Variants in FBXL17 observed in about 807,000 individuals in gnomAD.
FBXL17 encodes the protein F-box and leucine rich repeat protein 17, also known as F-box/LRR-repeat protein 17.
In FBXL17, 22 loss-of-function variants were observed where a neutral mutation model predicts 66.2. The observed-to-expected ratio is 0.33, with a 90% CI of 0.24 to 0.47. The LOEUF (loss-of-function observed/expected upper bound fraction) is 0.47. FBXL17 is among the 20% of genes least tolerant of loss of function. FBXL17 has a pLI of 1.00. For missense variants in FBXL17, 878 were observed against 948.2 expected (o/e 0.93, Z 0.97); for synonymous variants, 474 against 400.5 (o/e 1.18, Z -2.19).
intron 4 of FBXL17, among the ~76,000 whole-genome samples, chr5:108,330,839 G>C (rs542277821): frequency 3.3e-5 from 5 of 152,086 alleles, no homozygotes; most frequent in African/African-American, 1.2e-4. Flanking sequence ...TAAAGATTGA[G>C]ACTGGTACAA....
At chr5:108,358,573 T>A (rs1282328523) in intron 3 of FBXL17, among the ~76,000 whole-genome samples, 2 of 152,136 alleles carry the variant, frequency 1.3e-5, no homozygotes, top group African/African-American at 4.8e-5. Context: ...AATCTGGTGC[T>A]GAATTCAGTT....
Position 108,286,425 on chromosome 5 carries a change from CA to C in FBXL17, c.1506+61973del, listed in dbSNP as rs1446146689. Among the ~76,000 whole-genome samples, 4 of 151,952 alleles carry C rather than the reference CA, an allele frequency of 2.6e-5. No homozygotes were observed. The East Asian group carries it at 5.8e-4, about 22-fold the overall frequency. ...TCTGCCCAAAAGCTCCTTGAACTGACAAACAACTTGAGCAAAGTTTCAGGAC... is the reference window on the plus strand; with the variant it reads ...TCTGCCCAAAAGCTCCTTGAACTGACAACAACTTGAGCAAAGTTTCAGGAC... On this transcript the variant is annotated intron_variant, in intron 4 of 8. Coordinates refer to ENST00000542267, the MANE Select transcript of FBXL17 (RefSeq NM_001163315.3).
At chr5:108,124,692 A>G (rs1041743800) in intron 6 of FBXL17, among the ~76,000 whole-genome samples, 3 of 152,092 alleles carry the variant, frequency 2.0e-5, no homozygotes, top group Admixed American at 2.0e-4. Context: ...GTTTGACAGT[A>G]ATTTGTATCA....
intron 6 of FBXL17, among the ~76,000 whole-genome samples, chr5:108,151,493 T>G (rs1481089409): frequency 6.6e-6 from 1 of 152,188 alleles, no homozygotes; most frequent in African/African-American, 2.4e-5. Flanking sequence ...TGAAGCAAAC[T>G]ACACAGAAAG....
chr5:108,007,303 C>T (rs562803805), intron 7 of FBXL17, among the ~76,000 whole-genome samples: 10 of 152,220 alleles, frequency 6.6e-5, no homozygotes, highest in African/African-American at 1.9e-4. Flanking sequence ...GGACTGAACA[C>T]GCACAGTTAG....
At chr5:107,993,994 G>C (rs1206832637) in intron 7 of FBXL17, among the ~76,000 whole-genome samples, 2 of 152,018 alleles carry the variant, frequency 1.3e-5, no homozygotes, top group African/African-American at 4.8e-5. Flanking sequence ...GTTAGAATTA[G>C]CTGATAAGAG....
chr5:108,155,430 A>T (rs1751957277), intron 6 of FBXL17, among the ~76,000 whole-genome samples: 1 of 151,994 alleles, frequency 6.6e-6, no homozygotes, highest in Non-Finnish European at 1.5e-5. Context: ...CAGGAGAATC[A>T]CTGGAACCCA....
At chr5:108,371,194 T>TCC (rs1749016104) in intron 1 of FBXL17, among the ~76,000 whole-genome samples, 1 of 152,224 alleles carries the variant, frequency 6.6e-6, no homozygotes, top group Admixed American at 6.5e-5. Flanking sequence ...AAATGCTACG[T>TCC]CAGTAGCAGA....
At chr5:108,350,430 G>A (rs1244411627) in intron 3 of FBXL17, among the ~76,000 whole-genome samples, 2 of 152,088 alleles carry the variant, frequency 1.3e-5, no homozygotes, top group Non-Finnish European at 1.5e-5. Context: ...TGAAAACGGA[G>A]GAATTCAAAG....
intron 8 of FBXL17, chr5:107,878,798 C>A: frequency 3.0e-6 from 3 of 985,478 alleles, no homozygotes; most frequent in Non-Finnish European, 3.6e-6. Context: ...CAGAGCCTCT[C>A]GTGTTTGGCT....
chr5:107,878,909 A>G, intron 8 of FBXL17: 1 of 985,446 alleles, frequency 1.0e-6, no homozygotes, highest in Non-Finnish European at 1.2e-6. Context: ...GTCGTGCTGG[A>G]GCCAATGGGT....
chr5:107,865,360 C>T (rs1748242090), intron 8 of FBXL17, among the ~76,000 whole-genome samples: 1 of 152,142 alleles, frequency 6.6e-6, no homozygotes, highest in East Asian at 1.9e-4. Context: ...ATGAAGTATA[C>T]AAATTAGAAA....
intron 4 of FBXL17, among the ~76,000 whole-genome samples, chr5:108,321,249 T>C (rs1251384857): frequency 6.6e-6 from 1 of 151,818 alleles, no homozygotes; most frequent in African/African-American, 2.4e-5. Context: ...TATATAATAA[T>C]ATTACAATAT....
chr5:108,154,650 T>C (rs812679), intron 6 of FBXL17, among the ~76,000 whole-genome samples: 1,158 of 82,896 alleles, frequency 0.014, 25 homozygotes, highest in East Asian at 0.077. Flanking sequence ...CACACACACA[T>C]ATATGTATAT....
At chr5:108,060,976 T>C (rs1324176984) in intron 6 of FBXL17, among the ~76,000 whole-genome samples, 3 of 152,030 alleles carry the variant, frequency 2.0e-5, no homozygotes, top group African/African-American at 7.2e-5. Flanking sequence ...CAAGATGATC[T>C]GGGTTTTTTA....
intron 4 of FBXL17, among the ~76,000 whole-genome samples, chr5:108,304,349 C>T (rs1303096100): frequency 6.6e-6 from 1 of 151,852 alleles, no homozygotes; most frequent in Non-Finnish European, 1.5e-5. Flanking sequence ...TTCAGTAATT[C>T]AACCCAGAAG....
At position 108,009,753 on chromosome 5, in the gene FBXL17, A is replaced by C. The variant is rs1476044405; in HGVS notation, c.1822+11172T>G. On this transcript the variant is annotated intron_variant, in intron 7 of 8. Coordinates refer to ENST00000542267, the MANE Select transcript of FBXL17 (RefSeq NM_001163315.3). ...CTTAATTAGGAAATTAGATGAACAA[A>C]ACGGTCTTTTTGCCTAAGGAGAAAG... Among the ~76,000 whole-genome samples the C allele has an allele frequency of 2.6e-5, 4 of 152,170 alleles. 1 individual carries two copies. The highest frequency in any genetic ancestry group is 9.7e-5 in the African/African-American group (4 of 41,450).
chr5:107,956,979 C>A (rs1751687413), intron 7 of FBXL17, among the ~76,000 whole-genome samples: 1 of 152,124 alleles, frequency 6.6e-6, no homozygotes, highest in Non-Finnish European at 1.5e-5. Flanking sequence ...GAGATGGCAG[C>A]AAGTGAATTA....
At chr5:108,058,764 A>G (rs1004695372) in intron 6 of FBXL17, among the ~76,000 whole-genome samples, 4 of 152,160 alleles carry the variant, frequency 2.6e-5, no homozygotes, top group Admixed American at 2.0e-4. Context: ...ATATTCCTAC[A>G]CTTCTTCCTA....
Sources: allele counts gnomAD v4.1 joint callset (sites outside exome capture counted in the v4.1 genomes callset), GRCh38; gene constraint gnomAD v4.1.1; transcripts MANE v1.5; gene names NCBI Gene and HGNC (gene_info 2026-07-23, HGNC 2026-07-21).